Variants in KIFAP3 observed in about 807,000 individuals in gnomAD.
KIFAP3 encodes the protein kinesin-associated protein 3.
Under a neutral mutation model 106.5 loss-of-function variants are expected in KIFAP3, and 68 were observed. The ratio of observed to expected loss-of-function variants is 0.64; its 90% CI spans 0.53 to 0.78. The LOEUF (loss-of-function observed/expected upper bound fraction) is 0.78. Ranked by LOEUF, KIFAP3 falls within the 30% of genes least tolerant of loss-of-function variation. The probability of loss-of-function intolerance (pLI) is 0.00; values close to 1 mark genes in which losing one functional copy is unlikely to be tolerated. For missense variants in KIFAP3, 780 were observed against 941.8 expected (o/e 0.83, Z 2.25); for synonymous variants, 320 against 311.5 (o/e 1.03, Z -0.29).
intron 10 of KIFAP3, among the ~76,000 whole-genome samples, chr1:170,009,262 CT>C (rs1185071167): frequency 6.6e-6 from 1 of 151,856 alleles, no homozygotes; most frequent in African/African-American, 2.4e-5. Context: ...ATTAAAAAAA[CT>C]TTAGTTAATA....
At chr1:169,977,345 G>A (rs547542434) in intron 16 of KIFAP3, among the ~76,000 whole-genome samples, 18 of 152,240 alleles carry the variant, frequency 1.2e-4, no homozygotes, top group African/African-American at 4.1e-4. Context: ...CTTTGGATGC[G>A]AGAATGATAA....
chr1:170,007,081 T>C (rs1668003741), intron 10 of KIFAP3, among the ~76,000 whole-genome samples: 1 of 152,088 alleles, frequency 6.6e-6, no homozygotes, highest in Non-Finnish European at 1.5e-5. Context: ...AGGAGGGAAC[T>C]GTAACAAATA....
intron 17 of KIFAP3, among the ~76,000 whole-genome samples, chr1:169,971,872 T>C (rs1024905625): frequency 2.0e-5 from 3 of 151,876 alleles, no homozygotes; most frequent in Admixed American, 6.6e-5. Context: ...AATAATCGAG[T>C]ATCTGGTACA....
At chr1:170,053,099 G>A (rs999001960) in intron 2 of KIFAP3, among the ~76,000 whole-genome samples, 15 of 152,126 alleles carry the variant, frequency 9.9e-5, no homozygotes, top group African/African-American at 2.7e-4. Flanking sequence ...AAACCCCATC[G>A]TGTCAGCCTA....
chr1:169,988,213 AT>A (rs1361769710), intron 11 of KIFAP3, among the ~76,000 whole-genome samples: 1 of 152,084 alleles, frequency 6.6e-6, no homozygotes, highest in Non-Finnish European at 1.5e-5. Flanking sequence ...TTATAGGTTT[AT>A]TCTATAAAAC....
chr1:169,965,714 C>T (rs1246027786), intron 17 of KIFAP3, among the ~76,000 whole-genome samples: 2 of 151,976 alleles, frequency 1.3e-5, no homozygotes, highest in African/African-American at 4.8e-5. Context: ...AATTGCCCTT[C>T]TAACTTTAGC....
In KIFAP3 at chr1:169,992,173, G is replaced by A. The variant is rs1167013384; in HGVS notation, c.1266C>T (p.Tyr422=). Residue 422 remains tyrosine, a synonymous_variant, in exon 11 of 20, where the codon TAC becomes TAT. Coordinates refer to ENST00000361580, the MANE Select transcript of KIFAP3 (RefSeq NM_014970.4). ...MDDRFKSMFA[Y]TDCIPQLMKM... is the part of the protein sequence containing the mutation. ...CACTTACCTGTGGTATACAGTCAGT[G>A]TATGCAAACATTGATTTAAAGCGGT... The A allele has an allele frequency of 1.9e-6, 3 of 1,557,268 alleles. No individual in the cohort carries two copies. The highest frequency in any genetic ancestry group is 1.2e-5 in the South Asian group (1 of 82,538).
chr1:169,955,109 T>C (rs1664939280), intron 18 of KIFAP3, among the ~76,000 whole-genome samples: 1 of 152,170 alleles, frequency 6.6e-6, no homozygotes, highest in Non-Finnish European at 1.5e-5. Flanking sequence ...CCTTTCAAAG[T>C]TTCCTTTTCT....
rs541863150 is a variant in KIFAP3, at chr1:170,070,608, T to C, written c.32+3828A>G. Among the ~76,000 whole-genome samples, 37 of 152,198 alleles carry C rather than the reference T, an allele frequency of 2.4e-4. 1 individual carries two copies. Among genetic ancestry groups the C allele is most frequent in the Middle Eastern group, 3.4e-3 (1 of 292 alleles). ...GACAAATGATGTCAGAACAACTAGA[T>C]AGTCACATATAAAAGAATGAAGATG... On this transcript the variant is annotated intron_variant, in intron 1 of 19. Coordinates refer to ENST00000361580, the MANE Select transcript of KIFAP3 (RefSeq NM_014970.4).
intron 17 of KIFAP3, among the ~76,000 whole-genome samples, chr1:169,966,007 T>C (rs1444652309): frequency 1.3e-5 from 2 of 151,968 alleles, no homozygotes; most frequent in Non-Finnish European, 2.9e-5. Flanking sequence ...TATTGAATTA[T>C]TGTATAGAAC....
chr1:169,948,198 C>G lies in KIFAP3; in HGVS notation c.2273+5813G>C, dbSNP rs141913086. ...CCTTTCATAAAGGTTTTATTAAATT[C>G]TACAACAGGTGTTTAGGAGTGCTGT... On this transcript the variant is annotated intron_variant, in intron 19 of 19. Transcript: ENST00000361580. Among the ~76,000 whole-genome samples, 62 of 151,764 alleles carry G rather than the reference C, an allele frequency of 4.1e-4. No individual in the cohort carries two copies. The East Asian group carries it at 0.012, about 29-fold the overall frequency.
intron 1 of KIFAP3, among the ~76,000 whole-genome samples, chr1:170,066,657 T>TTA (rs1414939918): frequency 6.6e-6 from 1 of 152,176 alleles, no homozygotes; most frequent in African/African-American, 2.4e-5. Context: ...AATCTTTTAA[T>TTA]AATCACATGA....
chr1:170,048,281 T>C (rs1289535126), intron 2 of KIFAP3, among the ~76,000 whole-genome samples: 1 of 151,122 alleles, frequency 6.6e-6, no homozygotes, highest in Non-Finnish European at 1.5e-5. Context: ...TTCTGTCCCT[T>C]TATTTCTTCC....
At chr1:170,024,289 T>G in intron 9 of KIFAP3, 129 bp downstream of exon 9, 1 of 552,330 alleles carries the variant, frequency 1.8e-6, no homozygotes. Flanking sequence ...TATCAGTGAG[T>G]TATTGCTATT....
intron 17 of KIFAP3, among the ~76,000 whole-genome samples, chr1:169,969,505 C>T (rs1263260278): frequency 1.3e-5 from 2 of 151,972 alleles, no homozygotes; most frequent in Non-Finnish European, 2.9e-5. Flanking sequence ...GTAGCACCTA[C>T]TTTTCCAAGT....
At chr1:170,027,490 T>C (rs890642913) in intron 8 of KIFAP3, among the ~76,000 whole-genome samples, 7 of 152,178 alleles carry the variant, frequency 4.6e-5, no homozygotes, top group African/African-American at 1.7e-4. Context: ...AAAAGTTAAG[T>C]AGAGACAAGG....
At chr1:170,069,366 C>G (rs1412826255) in intron 1 of KIFAP3, among the ~76,000 whole-genome samples, 1 of 152,070 alleles carries the variant, frequency 6.6e-6, no homozygotes, top group Non-Finnish European at 1.5e-5. Context: ...TTCCATGAGG[C>G]CACCATTACC....
intron 1 of KIFAP3, among the ~76,000 whole-genome samples, chr1:170,058,171 C>A (rs528520707): frequency 6.6e-6 from 1 of 152,228 alleles, no homozygotes; most frequent in East Asian, 1.9e-4. Context: ...GCTGATGAAC[C>A]TTGTGTTGCC....
At chr1:169,992,028 A>C (rs957306196) in intron 11 of KIFAP3, 127 bp downstream of exon 11, 1 of 421,782 alleles carries the variant, frequency 2.4e-6, no homozygotes, top group African/African-American at 2.1e-5. Flanking sequence ...TCAATTTTCT[A>C]TAATAAATTT....
Sources: allele counts gnomAD v4.1 joint callset (sites outside exome capture counted in the v4.1 genomes callset), GRCh38; gene constraint gnomAD v4.1.1; transcripts MANE v1.5; gene names NCBI Gene and HGNC (gene_info 2026-07-23, HGNC 2026-07-21).